TP53I13: variants seen among roughly 807,000 people sequenced by gnomAD.
TP53I13 encodes tumor protein p53-inducible protein 13.
In TP53I13, 27 loss-of-function variants were observed where a neutral mutation model predicts 39.1. The observed-to-expected ratio is 0.69, with a 90% CI of 0.51 to 0.95. The LOEUF is 0.95. TP53I13 is among the 40% of genes least tolerant of loss of function. The probability of loss-of-function intolerance (pLI) is 0.00; values close to 1 mark genes in which losing one functional copy is unlikely to be tolerated. For missense variants in TP53I13, 544 were observed against 520.4 expected, an observed-to-expected ratio of 1.05 and a Z score of -0.44; for synonymous variants, 230 against 224.6, an observed-to-expected ratio of 1.02 and a Z score of -0.22.
chr17:29,572,558 C>T lies in TP53I13; in HGVS notation c.930C>T (p.Ala310=), dbSNP rs773325599. ...ARGPTPRTEE[A]AWAAMALTFL... The stretch of plus-strand genomic sequence containing the variant: ...GCCCCACCCCACGCACTGAAGAGGC[C>T]GCCTGGGCTGCCATGGCCCTGACCT... The change falls in exon 6 of 7, where the codon GCC becomes GCT. Residue 310 remains alanine (A), a synonymous_variant. Transcript: ENST00000301057. The T allele has an allele frequency of 3.1e-6, 5 of 1,593,608 alleles. No individual in the cohort carries two copies. The highest frequency in any genetic ancestry group is 2.3e-5 in the East Asian group (1 of 43,320).
Position 29,572,911 on chromosome 17 carries a change from A to G in TP53I13, c.1169A>G (p.Glu390Gly). The G allele has an allele frequency of 6.7e-7, 1 of 1,500,654 alleles. No individual in the cohort carries two copies. The highest frequency in any genetic ancestry group is 1.2e-5 in the South Asian group (1 of 80,038). 93.0% of individuals were successfully genotyped at this position (1,500,654 alleles called of 1,614,324 possible). A position where few individuals can be genotyped will look rare whatever the true frequency, so the allele number is the denominator to read the frequency against. The change falls in exon 7 of 7, where the codon GAG (glutamate) becomes GGG (glycine). Residue 390 changes from glutamate (E) to glycine (G), a missense_variant. Glu to Gly is a moderately conservative substitution (Grantham distance 98, BLOSUM62 -2). Coordinates refer to ENST00000301057, the MANE Select transcript of TP53I13 (RefSeq NM_138349.4). The stretch of plus-strand genomic sequence containing the variant: ...ACGCCGGACAGCGGCCCGGAAGGCG[A>G]GAGCTCGGAGTGACGGCCTGGGACC... ...PPTPDSGPEG[E>G]SSE is the part of the protein sequence containing the mutation.
chr17:29,569,052 A>G lies in TP53I13; in HGVS notation c.107A>G (p.His36Arg), dbSNP rs747448459. The change falls in exon 2 of 7, where the codon CAT (histidine) becomes CGT (arginine). Residue 36 changes from histidine (H) to arginine (R), a missense_variant. By Grantham distance (29) the His-to-Arg change is conservative. Coordinates refer to ENST00000301057, the MANE Select transcript of TP53I13 (RefSeq NM_138349.4). ...MAGPAEEAGA[H>R]CPESLWPLPP... ...GGACCGGCGGAGGAGGCGGGAGCCC[A>G]TTGTCCCGAGAGCCTGTGGCCTCTG... The G allele has an allele frequency of 4.4e-6, 7 of 1,605,386 alleles. No homozygotes were observed. Among genetic ancestry groups the G allele is most frequent in the Middle Eastern group, 1.6e-4 (1 of 6,062 alleles).
chr17:29,567,956 G>A (rs1252736847), upstream of TP53I13: 1 of 152,068 alleles, frequency 6.6e-6, no homozygotes, highest in Non-Finnish European at 1.5e-5. This position sits in a 1 kb window ranked among gnomAD's most constrained non-coding sequence, Gnocchi z 6.6. Flanking sequence ...GCTGCGGGGC[G>A]GGCCGGCCAG....
intron 6 of TP53I13, 56 bp from the exon 7 acceptor site, chr17:29,572,756 G>A: frequency 2.1e-6 from 2 of 941,640 alleles, no homozygotes; most frequent in Non-Finnish European, 1.5e-6. Context: ...GTCGCCCGCC[G>A]CCCCCCGTAG....
chr17:29,572,691 GTGGC>G lies in TP53I13; in HGVS notation c.1067_1069+1del. ...GCCCACAGCGGACAGCCAGGACACA[GTGGC>G]TGGTGAGGAGTTCCCTCCCTACCCT... On this transcript the variant is annotated frameshift_variant and splice_region_variant, in exon 6 of 7. Transcript: ENST00000301057. LOFTEE classifies it high-confidence loss of function. The G allele has an allele frequency of 6.5e-7, 1 of 1,549,490 alleles. No homozygotes were observed. The highest frequency in any genetic ancestry group is 8.7e-7 in the Non-Finnish European group (1 of 1,146,568).
chr17:29,573,362 CAG>C (rs1293108650), downstream of TP53I13: 1 of 157,566 alleles, frequency 6.3e-6, no homozygotes, highest in South Asian at 2.0e-4. Context: ...TTCCACTAGA[CAG>C]ACGTTCCCAG....
chr17:29,574,263 T>C (rs995863241), downstream of TP53I13: 2 of 194,044 alleles, frequency 1.0e-5, no homozygotes, highest in African/African-American at 4.7e-5. Context: ...GGCAGGGACA[T>C]CCATGGAGAC....
At chr17:29,575,547 T>A (rs2033162253), downstream of TP53I13, 1 of 1,562,972 alleles carries the variant, frequency 6.4e-7, no homozygotes, top group Non-Finnish European at 8.7e-7. This position sits in a 1 kb window ranked among gnomAD's most constrained non-coding sequence, Gnocchi z 5.5. Context: ...GCCGCCCGCC[T>A]TGGTCCTCAC....
At position 29,568,764 on chromosome 17, in the gene TP53I13, G is replaced by A; in HGVS notation, c.6G>A (p.Ala2=). M[A]PPPPSPQLLL... Reference sequence around the variant, plus strand: ...CGGGCCCGGGGCCGCTTGGAATGGCGCCTCCTCCGCCTTCGCCCCAACTGC... The same window carrying A: ...CGGGCCCGGGGCCGCTTGGAATGGCACCTCCTCCGCCTTCGCCCCAACTGC... Residue 2 remains alanine, a synonymous_variant, in exon 1 of 7, where the codon GCG becomes GCA. Transcript: ENST00000301057. The surrounding 1 kb of genome is among the most constrained non-coding windows in gnomAD (Gnocchi z 4.5). 2 of 1,584,168 alleles carry A rather than the reference G, an allele frequency of 1.3e-6. No homozygotes were observed. The highest frequency in any genetic ancestry group is 8.5e-7 in the Non-Finnish European group (1 of 1,173,578).
At chr17:29,578,227 A>C in the TP53I13 span, 1 of 1,243,678 alleles carries the variant, frequency 8.0e-7, no homozygotes, top group East Asian at 2.3e-5. Flanking sequence ...TTCTTAGCCC[A>C]GTAAAGGACC....
the TP53I13 span, chr17:29,578,865 A>G: frequency 1.3e-6 from 2 of 1,548,954 alleles, no homozygotes; most frequent in Non-Finnish European, 1.8e-6. Flanking sequence ...CCCAACATGC[A>G]GGGATCCCGG....
downstream of TP53I13, chr17:29,577,534 G>A: frequency 1.3e-6 from 1 of 784,620 alleles, no homozygotes; most frequent in Non-Finnish European, 2.3e-6. Flanking sequence ...TGCCCTGAGG[G>A]AGGCCCTGGC....
chr17:29,575,549 G>T, downstream of TP53I13: 2 of 1,560,384 alleles, frequency 1.3e-6, no homozygotes, highest in South Asian at 1.1e-5. The surrounding 1 kb of genome is among the most constrained non-coding windows in gnomAD (Gnocchi z 5.5). Context: ...CGCCCGCCTT[G>T]GTCCTCACAC....
At chr17:29,570,400 T>G (rs1254436299) in intron 3 of TP53I13, 1 of 150,612 alleles carries the variant, frequency 6.6e-6, no homozygotes, top group African/African-American at 2.4e-5. Flanking sequence ...CCCAGCTACT[T>G]GGGAGGCTGA....
chr17:29,577,624 C>G (rs543011961), downstream of TP53I13: 1 of 1,500,156 alleles, frequency 6.7e-7, no homozygotes, highest in African/African-American at 1.4e-5. Flanking sequence ...CCACCCCAGG[C>G]CCCCAATCCA....
chr17:29,579,811 A>T, the TP53I13 span, among the ~76,000 whole-genome samples: 145 of 152,200 alleles, frequency 9.5e-4, 1 homozygote, highest in African/African-American at 3.3e-3. Context: ...CTCCATTTCC[A>T]GGAGAGATAA....
Position 29,568,903 on chromosome 17 carries a change from G to A in TP53I13, c.72+73G>A, listed in dbSNP as rs1474080907. 1.3e-5 allele frequency: 20 copies of A among 1,598,482 alleles called. No individual in the cohort carries two copies. The East Asian group carries it at 4.5e-4, about 36-fold the overall frequency. On this transcript the variant is annotated intron_variant, in intron 1 of 6. Transcript: ENST00000301057. This position sits in a 1 kb window ranked among gnomAD's most constrained non-coding sequence, Gnocchi z 4.5. ...GCTTTGCCAAAAGTTCGTCCTGGAA[G>A]GAGTGGCGCGCCGAGGGGGACGCGG...
the TP53I13 span, chr17:29,581,616 T>C: frequency 5.3e-6 from 4 of 757,420 alleles, no homozygotes; most frequent in African/African-American, 1.7e-5. The surrounding 1 kb of genome is among the most constrained non-coding windows in gnomAD (Gnocchi z 4.8). Context: ...CAGGAGCCAG[T>C]TGCCTAGCAA....
chr17:29,566,945 G>A (rs1395310533), upstream of TP53I13: 16 of 1,414,434 alleles, frequency 1.1e-5, no homozygotes, highest in South Asian at 2.3e-4. Context: ...ATGAGCGCGA[G>A]GGCGGCGCCC....
Sources: gnomAD v4.1 joint callset for allele counts (sites outside exome capture counted in the v4.1 genomes callset) on GRCh38, gnomAD v4.1.1 for gene constraint, Gnocchi (gnomAD v3.1) non-coding constraint, MANE v1.5 for transcripts, NCBI Gene and HGNC (gene_info 2026-07-23, HGNC 2026-07-21) for gene names.